Variants in SPATA22 observed in about 807,000 individuals in gnomAD.
SPATA22 encodes spermatogenesis-associated protein 22.
SPATA22 carries 29 observed loss-of-function variants against 47.8 expected under a neutral mutation model. That is an observed-to-expected ratio of 0.61 (90% CI 0.45 to 0.83). SPATA22 has a LOEUF of 0.83. SPATA22 is among the 40% of genes least tolerant of loss of function. SPATA22 has a pLI of 0.00. For missense variants in SPATA22, 410 were observed against 421.7 expected (o/e 0.97, Z 0.24); for synonymous variants, 133 against 140.9 (o/e 0.94, Z 0.40).
At position 3,465,166 on chromosome 17, in the gene SPATA22, C is replaced by G. The variant is rs1167241405; in HGVS notation, c.172+2260G>C. 1.4e-4 allele frequency among the ~76,000 whole-genome samples: 19 copies of G among 135,726 alleles called. 1 individual carries two copies. The highest frequency in any genetic ancestry group is 2.0e-4 in the Non-Finnish European group (12 of 61,126). 89.0% of individuals were successfully genotyped at this position (135,726 alleles called of 152,430 possible). On this transcript the variant is annotated intron_variant, in intron 3 of 8. Coordinates refer to ENST00000572969, the MANE Select transcript of SPATA22 (RefSeq NM_001170698.2). ...TCCGGGAGGGAGGTGGGGGGGTCAG[C>G]CCCCCGCCCGGCCAGCCGCCTCGTC...
At chr17:3,460,510 C>T (rs1265202635) in intron 5 of SPATA22, among the ~76,000 whole-genome samples, 1 of 152,030 alleles carries the variant, frequency 6.6e-6, no homozygotes, top group Non-Finnish European at 1.5e-5. Flanking sequence ...TTCATCTCAC[C>T]GAGCACAATA....
intron 1 of SPATA22, among the ~76,000 whole-genome samples, chr17:3,479,137 G>T (rs950101870): frequency 3.3e-5 from 5 of 152,120 alleles, no homozygotes; most frequent in African/African-American, 1.2e-4. Flanking sequence ...ATCCAGAATA[G>T]ATTTAATCAA....
chr17:3,467,540 G>A lies in SPATA22; in HGVS notation c.58C>T (p.Pro20Ser), dbSNP rs79098439. 1.0e-5 allele frequency: 16 copies of A among 1,604,512 alleles called. No homozygotes were observed. The East Asian group carries it at 1.8e-4, about 18-fold the overall frequency. The stretch of plus-strand genomic sequence containing the variant: ...TTCCTCTTTTTCTGATTGAACAACG[G>A]AACAGGCAAACAGCCTAAATTGAAT... ...ARSTAGCLPVPLFNQKKRNRQ... is the reference protein window; with the variant it reads ...ARSTAGCLPVSLFNQKKRNRQ... The change falls in exon 3 of 9, where the codon CCG becomes TCG. Residue 20 changes from proline to serine, a missense_variant. Transcript: ENST00000572969.
chr17:3,460,792 C>CAA lies in SPATA22; in HGVS notation c.329+1689_329+1690dup, dbSNP rs71379504. Among the ~76,000 whole-genome samples the CAA allele has an allele frequency of 5.0e-3, 300 of 59,452 alleles. 5 individuals are homozygous for CAA. The highest frequency in any genetic ancestry group is 6.7e-3 in the Non-Finnish European group (241 of 35,884). 39.0% of individuals were successfully genotyped at this position (59,452 alleles called of 152,430 possible). A position where few individuals can be genotyped will look rare whatever the true frequency, so the allele number is the denominator to read the frequency against. ...TGGGCAACATGGCAAGATCCAGTCT[C>CAA]AAAAAAAAAAAAAAAAAAAAAAGAT... is the stretch of plus-strand genomic sequence containing the variant. On this transcript the variant is annotated intron_variant, in intron 5 of 8. Transcript: ENST00000572969.
In SPATA22 at chr17:3,449,022, G is replaced by C; in HGVS notation, c.457C>G (p.Gln153Glu). 1 of 1,613,904 alleles carries C rather than the reference G, an allele frequency of 6.2e-7. No individual in the cohort carries two copies. The highest frequency in any genetic ancestry group is 1.1e-5 in the South Asian group (1 of 91,060). Residue 153 changes from glutamine (Q) to glutamate (E), a missense_variant, in exon 6 of 9, where the codon CAA becomes GAA. By Grantham distance (29) the Gln-to-Glu change is conservative. Coordinates refer to ENST00000572969, the MANE Select transcript of SPATA22 (RefSeq NM_001170698.2). Reference protein sequence around the residue: ...KNSCPVSSGAQQQKQLRIPEP... With the variant: ...KNSCPVSSGAEQQKQLRIPEP... Reference sequence around the variant, plus strand: ...GGTATTCTTAATTGTTTTTGTTGTTGAGCTCCCGAACTCACTGGACAAGAA... The same window carrying C: ...GGTATTCTTAATTGTTTTTGTTGTTCAGCTCCCGAACTCACTGGACAAGAA...
chr17:3,506,122 G>T (rs149297501), intron 1 of SPATA22, among the ~76,000 whole-genome samples: 6 of 152,082 alleles, frequency 3.9e-5, no homozygotes. Context: ...TCTACCTGTA[G>T]AGACCTTTGT....
intron 8 of SPATA22, chr17:3,441,856 T>A (rs1267828977): frequency 2.6e-5 from 4 of 151,804 alleles, no homozygotes; most frequent in Non-Finnish European, 5.9e-5. Flanking sequence ...CATAGATGAA[T>A]CTTACAAACA....
At chr17:3,460,710 T>C (rs2073105243) in intron 5 of SPATA22, among the ~76,000 whole-genome samples, 1 of 149,484 alleles carries the variant, frequency 6.7e-6, no homozygotes, top group Non-Finnish European at 1.5e-5. Flanking sequence ...GGAGGATTGT[T>C]TAAGCCCAGG....
At chr17:3,464,834 G>A (rs1338100157) in intron 3 of SPATA22, among the ~76,000 whole-genome samples, 1 of 132,744 alleles carries the variant, frequency 7.5e-6, no homozygotes, top group Non-Finnish European at 1.7e-5. Context: ...CAGCCACCCC[G>A]TCTGGGAAGT....
rs768484360 is a variant in SPATA22 at position 3,440,172 on chromosome 17, T to C, written c.1067A>G (p.Tyr356Cys). The C allele has an allele frequency of 3.1e-6, 5 of 1,604,294 alleles. No homozygotes were observed. Among genetic ancestry groups the C allele is most frequent in the Non-Finnish European group, 4.3e-6 (5 of 1,175,900 alleles). Residue 356 changes from tyrosine (Y) to cysteine (C), a missense_variant, in exon 9 of 9, where the codon TAT becomes TGT. Transcript: ENST00000572969. ...VKIADVEMQY[Y>C]INVMNET The stretch of plus-strand genomic sequence containing the variant: ...TTAAGTTTCATTCATCACATTAATA[T>C]AATACTGCATCTCAACATCTGCAAT...
intron 1 of SPATA22, among the ~76,000 whole-genome samples, chr17:3,487,061 T>C (rs1428992149): frequency 7.1e-6 from 1 of 140,594 alleles, no homozygotes; most frequent in Non-Finnish European, 1.5e-5. Context: ...TGTGTGTTTA[T>C]GTGTGTGTGT....
At chr17:3,496,029 A>G (rs1003912707) in intron 1 of SPATA22, among the ~76,000 whole-genome samples, 6 of 152,236 alleles carry the variant, frequency 3.9e-5, no homozygotes, top group Non-Finnish European at 7.3e-5. Context: ...GAGGAGTACA[A>G]AAATAATCCC....
At chr17:3,495,081 T>C (rs2073887187) in intron 1 of SPATA22, among the ~76,000 whole-genome samples, 1 of 150,404 alleles carries the variant, frequency 6.6e-6, no homozygotes, top group African/African-American at 2.5e-5. Context: ...AATAATGACA[T>C]AGTGAAGAAG....
chr17:3,495,694 G>A (rs144306714), intron 1 of SPATA22, among the ~76,000 whole-genome samples: 2,792 of 152,080 alleles, frequency 0.018, 82 homozygotes, highest in African/African-American at 0.063. Context: ...TCAGCCTCCC[G>A]AGTAGCTGGG....
chr17:3,497,758 G>A (rs1218499415), intron 1 of SPATA22, among the ~76,000 whole-genome samples: 2 of 152,192 alleles, frequency 1.3e-5, no homozygotes, highest in East Asian at 3.8e-4. Flanking sequence ...TAGGTCTGCT[G>A]CGCATAATGA....
At chr17:3,476,240 A>T, upstream of SPATA22, 1 of 1,614,176 alleles carries the variant, frequency 6.2e-7, no homozygotes, top group Non-Finnish European at 8.5e-7. Context: ...AGCTAACCGG[A>T]GTATTTCTGG....
At chr17:3,456,722 A>G (rs2073007474) in intron 5 of SPATA22, among the ~76,000 whole-genome samples, 1 of 151,900 alleles carries the variant, frequency 6.6e-6, no homozygotes, top group African/African-American at 2.4e-5. Flanking sequence ...TCCCGATACC[A>G]AAGCCGGGCA....
intron 7 of SPATA22, 41 bp downstream of exon 7, chr17:3,446,431 C>A (rs1434582541): frequency 1.3e-6 from 2 of 1,567,784 alleles, no homozygotes; most frequent in Non-Finnish European, 1.7e-6. Flanking sequence ...ACCTGTCCTC[C>A]AGAGAGTATT....
chr17:3,447,605 T>C (rs1156321814), intron 6 of SPATA22, among the ~76,000 whole-genome samples: 2 of 152,178 alleles, frequency 1.3e-5, no homozygotes, highest in African/African-American at 4.8e-5. Context: ...TTTACCCCGA[T>C]GGCTTTTTGA....
Sources: allele counts gnomAD v4.1 joint callset (sites outside exome capture counted in the v4.1 genomes callset), GRCh38; gene constraint gnomAD v4.1.1; transcripts MANE v1.5; gene names NCBI Gene and HGNC (gene_info 2026-07-23, HGNC 2026-07-21).